ACER1: variants seen among roughly 807,000 people sequenced by gnomAD.
ACER1 encodes the protein CTB-180A7.3.
ACER1 carries 28 observed loss-of-function variants against 24.9 expected under a neutral mutation model. The ratio of observed to expected loss-of-function variants is 1.13; its 90% CI spans 0.83 to 1.54. ACER1 has a LOEUF of 1.54. ACER1 is among the 40% of genes most tolerant of loss of function. ACER1 has a pLI of 0.00. For synonymous variants in ACER1, 132 were observed against 131.4 expected, an observed-to-expected ratio of 1.00 and a Z score of -0.03; for missense variants, 352 against 349.3, an observed-to-expected ratio of 1.01 and a Z score of -0.06.
chr19:6,307,372 T>A, intron 4 of ACER1, 82 bp from the exon 5 acceptor site: 1 of 1,506,746 alleles, frequency 6.6e-7, no homozygotes, highest in Non-Finnish European at 9.0e-7. Context: ...CCTTCCACAG[T>A]GATGAGGCTC....
chr19:6,312,800 C>G (rs28499012), intron 1 of ACER1, among the ~76,000 whole-genome samples: 1 of 151,794 alleles, frequency 6.6e-6, no homozygotes, highest in Non-Finnish European at 1.5e-5. Flanking sequence ...CTCAGACTCC[C>G]GAGTAGCTGG....
the ACER1 span, among the ~76,000 whole-genome samples, chr19:6,340,962 A>G: frequency 6.6e-6 from 1 of 152,010 alleles, no homozygotes; most frequent in African/African-American, 2.4e-5. Context: ...CTTATAGGCT[A>G]AAGGTGTCAT....
At chr19:6,357,961 AC>A in the ACER1 span, among the ~76,000 whole-genome samples, 3 of 151,974 alleles carry the variant, frequency 2.0e-5, no homozygotes, top group African/African-American at 7.2e-5. Flanking sequence ...ATCTAAGAGG[AC>A]CCCGCCATCC....
chr19:6,309,480 C>T (rs1277417864), intron 4 of ACER1, among the ~76,000 whole-genome samples: 1 of 151,908 alleles, frequency 6.6e-6, no homozygotes. Flanking sequence ...CAAGATCACG[C>T]CCCTGCACTC....
intron 1 of ACER1, among the ~76,000 whole-genome samples, chr19:6,331,446 G>A (rs2091686622): frequency 7.5e-6 from 1 of 132,714 alleles, no homozygotes; most frequent in Admixed American, 7.2e-5. Flanking sequence ...ATAGCACCCA[G>A]CCAGCAAGCA....
At chr19:6,349,884 A>T in the ACER1 span, among the ~76,000 whole-genome samples, 1 of 152,002 alleles carries the variant, frequency 6.6e-6, no homozygotes, top group Non-Finnish European at 1.5e-5. Context: ...TAATCCCAAT[A>T]CTTTGGGAAG....
At chr19:6,342,246 A>C in the ACER1 span, among the ~76,000 whole-genome samples, 1 of 142,560 alleles carries the variant, frequency 7.0e-6, no homozygotes, top group African/African-American at 2.6e-5. Flanking sequence ...TGTGTAAGAG[A>C]GTATCCTAGT....
chr19:6,353,769 G>A, the ACER1 span, among the ~76,000 whole-genome samples: 1 of 151,836 alleles, frequency 6.6e-6, no homozygotes, highest in African/African-American at 2.4e-5. Flanking sequence ...AGGTGGCAGT[G>A]AGCTCAGATC....
intron 1 of ACER1, among the ~76,000 whole-genome samples, chr19:6,327,083 G>A (rs1295389754): frequency 6.6e-6 from 1 of 152,144 alleles, no homozygotes; most frequent in Non-Finnish European, 1.5e-5. Context: ...GGTGTTTCCT[G>A]TTTCTGTAAC....
intron 1 of ACER1, among the ~76,000 whole-genome samples, chr19:6,320,076 C>G (rs2091622344): frequency 6.7e-6 from 1 of 149,918 alleles, no homozygotes; most frequent in East Asian, 2.0e-4. Flanking sequence ...GCACTCCAAC[C>G]CCTGTGACAG....
chr19:6,359,954 GA>G, the ACER1 span, among the ~76,000 whole-genome samples: 36 of 152,250 alleles, frequency 2.4e-4, no homozygotes, highest in African/African-American at 8.7e-4. Context: ...AGACTTTGGG[GA>G]TGAAGCAGTG....
chr19:6,331,153 C>CA (rs1555716619), intron 1 of ACER1, among the ~76,000 whole-genome samples: 1 of 134,872 alleles, frequency 7.4e-6, no homozygotes, highest in Non-Finnish European at 1.6e-5. Context: ...ACAGCAAGCA[C>CA]TTTTTTTTTT....
upstream of ACER1, among the ~76,000 whole-genome samples, chr19:6,335,891 T>A (rs1034337431): frequency 1.3e-5 from 2 of 149,160 alleles, no homozygotes; most frequent in Non-Finnish European, 3.0e-5. Flanking sequence ...TTTTTCTTTT[T>A]TTTCTTTTTC....
the ACER1 span, among the ~76,000 whole-genome samples, chr19:6,340,291 AGAAGGAAGGAAGGAAGGAAGGAAG>A: frequency 0.29 from 24,590 of 85,756 alleles, 4,807 homozygotes; most frequent in Admixed American, 0.35. Context: ...AAAAAAAGAA[AGAAGGAAGGAAGGAAGGAAGGAAG>A]GAAGGAAGGA....
intron 1 of ACER1, among the ~76,000 whole-genome samples, chr19:6,330,751 G>T (rs2091683153): frequency 6.7e-6 from 1 of 149,758 alleles, no homozygotes; most frequent in African/African-American, 2.5e-5. Flanking sequence ...CAATCATTCA[G>T]CTCCCTCCCA....
At chr19:6,336,153 G>A (rs913927896), upstream of ACER1, among the ~76,000 whole-genome samples, 1 of 151,802 alleles carries the variant, frequency 6.6e-6, no homozygotes, top group Non-Finnish European at 1.5e-5. Flanking sequence ...CACCTGTCTC[G>A]GCTTCCCAAA....
chr19:6,306,686 G>C lies in ACER1; in HGVS notation c.*28C>G. 3 of 1,579,380 alleles carry C rather than the reference G, an allele frequency of 1.9e-6. No individual in the cohort carries two copies. The highest frequency in any genetic ancestry group is 2.6e-6 in the Non-Finnish European group (3 of 1,159,394). On this transcript the variant is annotated 3_prime_UTR_variant, in exon 6 of 6. Coordinates refer to ENST00000301452, the MANE Select transcript of ACER1 (RefSeq NM_133492.3). ...TCAAGACACAGGCAAGTTGTTGGGTGGTTGGATAGTCAAGAGGCTGGCAGG... is the reference window on the plus strand; with the variant it reads ...TCAAGACACAGGCAAGTTGTTGGGTCGTTGGATAGTCAAGAGGCTGGCAGG...
chr19:6,354,995 G>A, the ACER1 span, among the ~76,000 whole-genome samples: 16,484 of 152,068 alleles, frequency 0.11, 1,242 homozygotes, highest in East Asian at 0.39. Flanking sequence ...ACTGGTTTTC[G>A]TATTTTTTTG....
At chr19:6,310,232 C>T (rs891931097) in intron 3 of ACER1, among the ~76,000 whole-genome samples, 16 of 151,792 alleles carry the variant, frequency 1.1e-4, no homozygotes, top group Admixed American at 3.9e-4. Context: ...GGACTACAGG[C>T]GCCCGCCACC....
Sources: allele counts gnomAD v4.1 joint callset (sites outside exome capture counted in the v4.1 genomes callset), GRCh38; gene constraint gnomAD v4.1.1; transcripts MANE v1.5; gene names NCBI Gene and HGNC (gene_info 2026-07-23, HGNC 2026-07-21).